BLTP1: variants seen among roughly 807,000 people sequenced by gnomAD.
BLTP1 encodes bridge-like lipid transfer protein family member 1.
the BLTP1 span, chr4:122,234,707 A>G: frequency 6.7e-7 from 1 of 1,492,028 alleles, no homozygotes; most frequent in Non-Finnish European, 9.0e-7. Flanking sequence ...TCTATCAAAA[A>G]GTTTTTCATT....
At chr4:122,167,802 G>A in the BLTP1 span, 24 of 985,278 alleles carry the variant, frequency 2.4e-5, no homozygotes, top group Admixed American at 3.1e-4. Context: ...ATGTGCAGAC[G>A]CATGCTTTAC....
chr4:122,190,412 G>C, the BLTP1 span: 1 of 977,408 alleles, frequency 1.0e-6, no homozygotes, highest in Non-Finnish European at 1.2e-6. Flanking sequence ...TTTTTTAAAA[G>C]TATGTTTCAT....
At chr4:122,152,365 C>T in the BLTP1 span, 4 of 985,918 alleles carry the variant, frequency 4.1e-6, no homozygotes, top group South Asian at 4.7e-5. Context: ...GACCCCTCCC[C>T]TCCTCCTCCG....
chr4:122,244,999 T>C, the BLTP1 span: 1 of 1,600,792 alleles, frequency 6.2e-7, no homozygotes, highest in Non-Finnish European at 8.5e-7. Flanking sequence ...AAATATTTCA[T>C]TTACTGTTTT....
chr4:122,270,644 G>C, the BLTP1 span, among the ~76,000 whole-genome samples: 1 of 138,776 alleles, frequency 7.2e-6, no homozygotes, highest in Non-Finnish European at 1.6e-5. Flanking sequence ...ACAGATTGTA[G>C]GAGGGGGGGA....
the BLTP1 span, chr4:122,348,755 T>C: frequency 4.6e-5 from 64 of 1,388,108 alleles, no homozygotes; most frequent in Middle Eastern, 5.7e-4. Context: ...TATTTAATCA[T>C]TTTTGTAACT....
the BLTP1 span, chr4:122,362,744 A>G: frequency 6.5e-6 from 1 of 153,650 alleles, no homozygotes; most frequent in African/African-American, 2.4e-5. Flanking sequence ...AGTCACAGTA[A>G]TGGTTTAAGT....
chr4:122,267,789 G>A, the BLTP1 span: 1 of 182,936 alleles, frequency 5.5e-6, no homozygotes, highest in African/African-American at 2.4e-5. Context: ...AACAGGATTT[G>A]AGTAATATTT....
At chr4:122,307,730 C>A in the BLTP1 span, 1 of 985,138 alleles carries the variant, frequency 1.0e-6, no homozygotes, top group Non-Finnish European at 1.2e-6. Context: ...CTTCCTTGTG[C>A]CATTATGTGG....
chr4:122,241,955 G>A, the BLTP1 span, among the ~76,000 whole-genome samples: 1 of 152,228 alleles, frequency 6.6e-6, no homozygotes, highest in Non-Finnish European at 1.5e-5. Context: ...ATAGGCCATT[G>A]TCAGAAAGAC....
the BLTP1 span, chr4:122,359,810 C>A: frequency 6.7e-7 from 1 of 1,488,830 alleles, no homozygotes; most frequent in Non-Finnish European, 8.9e-7. Context: ...ATATGATTAT[C>A]AAAAAATATA....
chr4:122,170,225 G>A, the BLTP1 span: 3 of 415,800 alleles, frequency 7.2e-6, no homozygotes, highest in African/African-American at 6.8e-5. Context: ...AGAATCGCTT[G>A]AAACTGGGAG....
the BLTP1 span, among the ~76,000 whole-genome samples, chr4:122,352,394 C>T: frequency 7.1e-5 from 9 of 126,636 alleles, no homozygotes; most frequent in Non-Finnish European, 1.4e-4. Context: ...GGTTCTCACT[C>T]TGTCATCCAG....
At chr4:122,343,245 T>A in the BLTP1 span, 1 of 458,876 alleles carries the variant, frequency 2.2e-6, no homozygotes, top group Non-Finnish European at 2.9e-6. Flanking sequence ...TCTAAGTCTT[T>A]ATTTCAGTTT....
At chr4:122,331,042 AAT>A in the BLTP1 span, 1 of 964,550 alleles carries the variant, frequency 1.0e-6, no homozygotes. Flanking sequence ...GAGAAAATGA[AAT>A]ATTTTCCAAC....
At chr4:122,160,703 T>C in the BLTP1 span, among the ~76,000 whole-genome samples, 37 of 152,336 alleles carry the variant, frequency 2.4e-4, no homozygotes, top group African/African-American at 8.9e-4. Context: ...AAATGTTGTA[T>C]GATCTGATTT....
the BLTP1 span, chr4:122,183,600 A>C: frequency 1.3e-6 from 1 of 796,584 alleles, no homozygotes; most frequent in Non-Finnish European, 1.5e-6. Context: ...ACTGGACTAG[A>C]ATTTAGCAGA....
chr4:122,247,903 A>G, the BLTP1 span: 3 of 979,440 alleles, frequency 3.1e-6, no homozygotes, highest in South Asian at 4.7e-5. Flanking sequence ...AGATGCTTAA[A>G]TGTTTTCAGA....
chr4:122,214,852 T>C, the BLTP1 span, among the ~76,000 whole-genome samples: 1 of 152,062 alleles, frequency 6.6e-6, no homozygotes, highest in Non-Finnish European at 1.5e-5. Context: ...GCTCAAGTGA[T>C]CTGCCCACCT....
Sources: allele counts gnomAD v4.1 joint callset (sites outside exome capture counted in the v4.1 genomes callset), GRCh38; gene constraint gnomAD v4.1.1; transcripts MANE v1.5; gene names NCBI Gene and HGNC (gene_info 2026-07-23, HGNC 2026-07-21).